UNC13C: variants seen among roughly 807,000 people sequenced by gnomAD.
UNC13C encodes the protein protein unc-13 homolog C.
In UNC13C, 174 loss-of-function variants were observed where a neutral mutation model predicts 245.4. That is an observed-to-expected ratio of 0.71 (90% confidence interval 0.63 to 0.80). UNC13C has a LOEUF of 0.80. UNC13C is among the 30% of genes least tolerant of loss of function. The pLI, the probability that UNC13C is intolerant of heterozygous loss-of-function variation, is 0.00. For missense variants in UNC13C, 2,829 were observed against 2,602.9 expected (o/e 1.09, Z -1.89); for synonymous variants, 992 against 895.1 (o/e 1.11, Z -1.93).
chr15:53,979,039 C>T (rs1159359694), intron 1 of UNC13C, among the ~76,000 whole-genome samples, 112 bp downstream of exon 1: 1 of 152,146 alleles, frequency 6.6e-6, no homozygotes, highest in Non-Finnish European at 1.5e-5. Context: ...ATGGGGTTCT[C>T]TTAGCGTAGC....
Position 54,509,809 on chromosome 15 carries a change from A to C in UNC13C, c.5380-1944A>C, listed in dbSNP as rs184557542. Among the ~76,000 whole-genome samples, 33 of 152,298 alleles carry C rather than the reference A, an allele frequency of 2.2e-4. No homozygotes were observed. The East Asian group carries it at 6.4e-3, about 29-fold the overall frequency. On this transcript the variant is annotated intron_variant, in intron 23 of 32. Transcript: ENST00000260323. ...ATCTGTTCCCAGTAGCAGTTTGATG[A>C]ATTGATTCAGTAAAACTGCACTTTG...
At chr15:54,137,573 T>A (rs532042279) in intron 2 of UNC13C, among the ~76,000 whole-genome samples, 1 of 152,324 alleles carries the variant, frequency 6.6e-6, no homozygotes, top group East Asian at 1.9e-4. Context: ...TTCTAGTAAT[T>A]TATCCATTTC....
chr15:53,887,774 A>G, the UNC13C span, among the ~76,000 whole-genome samples: 1 of 151,720 alleles, frequency 6.6e-6, no homozygotes, highest in African/African-American at 2.4e-5. Context: ...TCATTGTTCA[A>G]CTCCCACTTA....
At chr15:53,860,046 G>A in the UNC13C span, among the ~76,000 whole-genome samples, 1 of 152,062 alleles carries the variant, frequency 6.6e-6, no homozygotes, top group East Asian at 1.9e-4. Flanking sequence ...TATCACATTT[G>A]AGTTCTGCTA....
chr15:54,074,473 G>A (rs1898490277), intron 2 of UNC13C, among the ~76,000 whole-genome samples: 1 of 152,158 alleles, frequency 6.6e-6, no homozygotes, highest in African/African-American at 2.4e-5. Context: ...TGGAAAGTAT[G>A]GCCATTTTCA....
intron 18 of UNC13C, among the ~76,000 whole-genome samples, chr15:54,397,656 A>G (rs1220084395): frequency 6.6e-6 from 1 of 151,372 alleles, no homozygotes; most frequent in Non-Finnish European, 1.5e-5. Context: ...TAATCCATTA[A>G]CATGGCATGT....
intron 19 of UNC13C, among the ~76,000 whole-genome samples, chr15:54,424,361 C>T (rs2040714352): frequency 6.6e-6 from 1 of 151,872 alleles, no homozygotes; most frequent in South Asian, 2.1e-4. Flanking sequence ...TTTCTAGAAA[C>T]TTTCTCCTGA....
At chr15:53,926,797 G>C in the UNC13C span, among the ~76,000 whole-genome samples, 1 of 152,156 alleles carries the variant, frequency 6.6e-6, no homozygotes, top group Non-Finnish European at 1.5e-5. Flanking sequence ...ATGTTCCAGA[G>C]AGAAGGACAT....
At chr15:53,927,680 A>C in the UNC13C span, among the ~76,000 whole-genome samples, 50 of 152,266 alleles carry the variant, frequency 3.3e-4, no homozygotes, top group African/African-American at 1.2e-3. Context: ...CTGAGCCTGA[A>C]ATTTAGATTT....
chr15:53,958,985 C>T, the UNC13C span, among the ~76,000 whole-genome samples: 1 of 152,166 alleles, frequency 6.6e-6, no homozygotes, highest in African/African-American at 2.4e-5. Context: ...AACCACCATT[C>T]TTCCTTCTAC....
At chr15:54,227,547 CG>C (rs2035424514) in intron 4 of UNC13C, among the ~76,000 whole-genome samples, 1 of 152,130 alleles carries the variant, frequency 6.6e-6, no homozygotes, top group Non-Finnish European at 1.5e-5. Flanking sequence ...AGAGGGAGAC[CG>C]AGGGGGCAGG....
At chr15:53,859,101 AG>A in the UNC13C span, among the ~76,000 whole-genome samples, 1 of 152,152 alleles carries the variant, frequency 6.6e-6, no homozygotes, top group Non-Finnish European at 1.5e-5. Flanking sequence ...AGAAGAAGAA[AG>A]CTAGTTAACT....
At chr15:54,397,102 A>G (rs498529) in intron 18 of UNC13C, among the ~76,000 whole-genome samples, 33,558 of 151,348 alleles carry the variant, frequency 0.22, 4,784 homozygotes, top group Non-Finnish European at 0.31. Flanking sequence ...CTATTTTAGA[A>G]ATCTTTGCAA....
Position 54,339,555 on chromosome 15 carries a change from A to G in UNC13C, c.4713+1066A>G, listed in dbSNP as rs566695976. ...TTCCTGAATTACTTCACTTAGAATA[A>G]TAGTCTTCAGTTCTATCTAGGTTGC... On this transcript the variant is annotated intron_variant, in intron 17 of 32. Coordinates refer to ENST00000260323, the MANE Select transcript of UNC13C (RefSeq NM_001080534.3). 2.0e-3 allele frequency among the ~76,000 whole-genome samples: 311 copies of G among 152,258 alleles called. 1 individual carries two copies. Among genetic ancestry groups the G allele is most frequent in the African/African-American group, 6.5e-3 (269 of 41,532 alleles).
upstream of UNC13C, among the ~76,000 whole-genome samples, chr15:53,977,895 T>C (rs1412390523): frequency 3.9e-5 from 6 of 152,214 alleles, no homozygotes; most frequent in African/African-American, 1.4e-4. Flanking sequence ...CACTTTGATT[T>C]ATGCATGTGT....
chr15:54,481,869 A>G (rs1001675710), intron 19 of UNC13C, among the ~76,000 whole-genome samples: 3 of 152,178 alleles, frequency 2.0e-5, no homozygotes, highest in African/African-American at 7.2e-5. Context: ...CTGTGTGGGT[A>G]TAGGCAGCAG....
intron 30 of UNC13C, among the ~76,000 whole-genome samples, chr15:54,577,507 C>A (rs1315199609): frequency 6.6e-6 from 1 of 152,166 alleles, no homozygotes; most frequent in Admixed American, 6.5e-5. Flanking sequence ...CTCCCTGTTT[C>A]CCAAGTGGTT....
chr15:54,104,703 T>C (rs532377541), intron 2 of UNC13C, among the ~76,000 whole-genome samples: 6 of 152,172 alleles, frequency 3.9e-5, no homozygotes, highest in Non-Finnish European at 7.3e-5. Context: ...TTTTTTAAAT[T>C]CTGCTTCTTA....
chr15:54,124,634 G>A (rs553810962), intron 2 of UNC13C, among the ~76,000 whole-genome samples: 1 of 140,112 alleles, frequency 7.1e-6, no homozygotes, highest in East Asian at 2.0e-4. Context: ...TTTAAATGTT[G>A]AAGTCCAAAT....
Sources: gnomAD v4.1 joint callset for allele counts (sites outside exome capture counted in the v4.1 genomes callset) on GRCh38, gnomAD v4.1.1 for gene constraint, MANE v1.5 for transcripts, NCBI Gene and HGNC (gene_info 2026-07-23, HGNC 2026-07-21) for gene names.